The following USP30 variants were observed in gnomAD, a reference collection of about 807,000 sequenced individuals.
The protein encoded by USP30 is ubiquitin carboxyl-terminal hydrolase 30.
A neutral mutation model predicts 68.2 loss-of-function variants in USP30; 41 were observed. That is an observed-to-expected ratio of 0.60 (90% CI 0.47 to 0.78). The LOEUF (loss-of-function observed/expected upper bound fraction) is 0.78. Among genes scored for constraint, USP30 ranks in the 30% least tolerant of loss-of-function variants. The probability of loss-of-function intolerance (pLI) is 0.00; values close to 1 mark genes in which losing one functional copy is unlikely to be tolerated. For synonymous variants in USP30, 229 were observed against 253.7 expected, an observed-to-expected ratio of 0.90 and a Z score of 0.93; for missense variants, 522 against 649.4, an observed-to-expected ratio of 0.80 and a Z score of 2.13.
rs1308895049 is a variant in USP30, at chr12:109,086,555, T to C, written c.*624T>C. On this transcript the variant is annotated 3_prime_UTR_variant, in exon 13 of 13. Coordinates refer to ENST00000257548, the MANE Select transcript of USP30 (RefSeq NM_032663.5). The stretch of plus-strand genomic sequence containing the variant: ...ATGGAGTAAAGGCTCATCTGCCAAA[T>C]CTGCCCCCTGGGGAAACTCTTTCAC... 6.6e-6 allele frequency: 1 copy of C among 152,416 alleles called. No individual in the cohort carries two copies. The highest frequency in any genetic ancestry group is 1.5e-5 in the Non-Finnish European group (1 of 68,200). 9.4% of individuals were successfully genotyped at this position (152,416 alleles called of 1,614,324 possible).
chr12:109,025,435 C>A (rs528043437), intron 2 of USP30, among the ~76,000 whole-genome samples: 1 of 152,182 alleles, frequency 6.6e-6, no homozygotes, highest in African/African-American at 2.4e-5. Context: ...TTGCTCTCTT[C>A]ACCCCCCAGC....
At chr12:109,063,175 C>T (rs1046577629) in intron 3 of USP30, among the ~76,000 whole-genome samples, 6 of 152,116 alleles carry the variant, frequency 3.9e-5, no homozygotes, top group Admixed American at 3.3e-4. Context: ...TCTTAGCTCA[C>T]TGCCACTTCC....
intron 3 of USP30, among the ~76,000 whole-genome samples, chr12:109,063,185 C>T (rs999748133): frequency 1.4e-4 from 21 of 152,244 alleles, no homozygotes; most frequent in Middle Eastern, 3.4e-3. Context: ...CTGCCACTTC[C>T]GCCTTCCAGA....
chr12:109,070,150 G>T lies in USP30; in HGVS notation c.481-1462G>T, dbSNP rs1052010510. Among the ~76,000 whole-genome samples the T allele has an allele frequency of 6.6e-6, 1 of 152,132 alleles. No individual in the cohort carries two copies. Among genetic ancestry groups the T allele is most frequent in the Non-Finnish European group, 1.5e-5 (1 of 68,026 alleles). ...TTGTTAGAAAAGGAAGGCTGGAGGG[G>T]CAAGAATGCAAGCCGAGAGGAAAGG... On this transcript the variant is annotated intron_variant, in intron 4 of 12. Coordinates refer to ENST00000257548, the MANE Select transcript of USP30 (RefSeq NM_032663.5). The surrounding 1 kb of genome is among the most constrained non-coding windows in gnomAD (Gnocchi z 4.0).
chr12:109,085,019 T>C lies in USP30; in HGVS notation c.1235T>C (p.Leu412Ser). ...FMNGACSPSL[L>S]PTLSAPMPFP... ...AATGGCGCCTGCTCCCCATCTTTAT[T>C]GCCAACGCTGTCAGCGCCGATGCCC... Residue 412 changes from leucine to serine, a missense_variant, in exon 12 of 13, where the codon TTG (leucine) becomes TCG (serine). Transcript: ENST00000257548. 1.2e-6 allele frequency: 2 copies of C among 1,607,528 alleles called. No homozygotes were observed. The highest frequency in any genetic ancestry group is 8.5e-7 in the Non-Finnish European group (1 of 1,176,136).
Position 109,083,013 on chromosome 12 carries a change from C to T in USP30, c.1119C>T (p.Asn373=). The T allele has an allele frequency of 6.2e-7, 1 of 1,614,030 alleles. No homozygotes were observed. The highest frequency in any genetic ancestry group is 8.5e-7 in the Non-Finnish European group (1 of 1,179,926). The part of the protein sequence containing the change: ...PSQHNPKLNK[N]PGPTLELQDG... Reference sequence around the variant, plus strand: ...AACACAACCCTAAACTGAACAAGAACCCAGGGCCTACACTGGAGCTGCAGG... The same window carrying T: ...AACACAACCCTAAACTGAACAAGAATCCAGGGCCTACACTGGAGCTGCAGG... The change falls in exon 11 of 13, where the codon AAC becomes AAT. Residue 373 remains asparagine, a synonymous_variant. Coordinates refer to ENST00000257548, the MANE Select transcript of USP30 (RefSeq NM_032663.5).
At chr12:109,066,470 G>T (rs959715043) in intron 3 of USP30, among the ~76,000 whole-genome samples, 1 of 152,130 alleles carries the variant, frequency 6.6e-6, no homozygotes, top group African/African-American at 2.4e-5. Context: ...CGATCATGAG[G>T]TTAGGAGTTC....
intron 4 of USP30, 123 bp from the exon 5 acceptor site, chr12:109,071,489 C>A (rs2041440100): frequency 4.2e-6 from 3 of 716,740 alleles, no homozygotes; most frequent in Non-Finnish European, 7.2e-6. Flanking sequence ...ATGAGCTGGG[C>A]CTTGAGAAGG....
chr12:109,044,649 T>TA lies in USP30; in HGVS notation c.-135-2933dup, dbSNP rs904169116. On this transcript the variant is annotated intron_variant, in intron 3 of 15. Transcript: ENST00000392784. ...GAGACTCTTTCTCTAAAAATAAAAA[T>TA]AAAAAAAAGAATGATTAAGATGACA... 6.6e-5 allele frequency among the ~76,000 whole-genome samples: 10 copies of TA among 151,200 alleles called. 1 individual carries two copies. The East Asian group carries it at 9.7e-4, about 15-fold the overall frequency.
At chr12:109,041,747 A>C (rs2040566839) in intron 3 of USP30, among the ~76,000 whole-genome samples, 1 of 152,328 alleles carries the variant, frequency 6.6e-6, no homozygotes, top group African/African-American at 2.4e-5. Context: ...TAAAGAATTT[A>C]TCATGGCATT....
At chr12:109,029,312 G>A (rs1051782867) in intron 3 of USP30, among the ~76,000 whole-genome samples, 1 of 152,172 alleles carries the variant, frequency 6.6e-6, no homozygotes, top group Admixed American at 6.5e-5. Context: ...GCTTCTGGCC[G>A]AGTTAGGTCA....
intron 1 of USP30, among the ~76,000 whole-genome samples, chr12:109,055,084 A>G (rs1190009785): frequency 6.6e-6 from 1 of 152,056 alleles, no homozygotes; most frequent in Non-Finnish European, 1.5e-5. Context: ...TTACATAGCT[A>G]TATACACATA....
Position 109,024,343 on chromosome 12 carries a change from C to T in USP30, c.-497-460C>T, listed in dbSNP as rs1404254382. On this transcript the variant is annotated intron_variant, in intron 1 of 15. Coordinates refer to the USP30 transcript ENST00000392784. ...TGTGATCTCAGCTCATTGCCACCTCCACCTTTCAGGCTCAAGCCATCCTCC... is the reference window on the plus strand; with the variant it reads ...TGTGATCTCAGCTCATTGCCACCTCTACCTTTCAGGCTCAAGCCATCCTCC... Among the ~76,000 whole-genome samples the T allele has an allele frequency of 4.0e-5, 6 of 151,346 alleles. No homozygotes were observed. The East Asian group carries it at 1.2e-3, about 30-fold the overall frequency.
At chr12:109,065,243 G>A (rs187389064) in intron 3 of USP30, among the ~76,000 whole-genome samples, 38 of 152,286 alleles carry the variant, frequency 2.5e-4, no homozygotes, top group Middle Eastern at 6.8e-3. Flanking sequence ...TCACACTCTA[G>A]CAGTACTGGT....
intron 12 of USP30, 141 bp from the exon 13 acceptor site, chr12:109,085,526 A>G (rs2041921575): frequency 2.0e-6 from 2 of 1,005,898 alleles, no homozygotes; most frequent in African/African-American, 1.6e-5. Context: ...ACAGATCTGT[A>G]TTTTAATAGT....
chr12:109,029,482 A>G (rs1472473699), intron 3 of USP30, among the ~76,000 whole-genome samples: 1 of 152,150 alleles, frequency 6.6e-6, no homozygotes, highest in Non-Finnish European at 1.5e-5. Flanking sequence ...ATATCCCCTG[A>G]GTGTGCATTT....
intron 8 of USP30, chr12:109,081,641 ACAC>A: frequency 1.7e-6 from 1 of 591,460 alleles, no homozygotes; most frequent in Non-Finnish European, 3.0e-6. Flanking sequence ...ACACACACAC[ACAC>A]ACACACACAC....
At chr12:109,040,001 T>C (rs1446004509) in intron 3 of USP30, among the ~76,000 whole-genome samples, 1 of 152,248 alleles carries the variant, frequency 6.6e-6, no homozygotes, top group East Asian at 1.9e-4. Flanking sequence ...TGATATATGA[T>C]ATAAATATTT....
chr12:109,088,005 T>C lies in USP30; in HGVS notation c.*2074T>C. On this transcript the variant is annotated 3_prime_UTR_variant, in exon 13 of 13. Transcript: ENST00000257548. This position sits in a 1 kb window ranked among gnomAD's most constrained non-coding sequence, Gnocchi z 4.2. ...GCTGTGTATTATAGCAATAAAATAA[T>C]CATTTTGTTAGAAAAAAATCACCTG... The C allele has an allele frequency of 2.1e-6, 1 of 484,862 alleles. No homozygotes were observed. The highest frequency in any genetic ancestry group is 3.6e-6 in the Non-Finnish European group (1 of 276,794). The allele number at this position is 484,862 out of a possible 1,614,324, so 30.0% of individuals were successfully genotyped here.
Sources: allele counts gnomAD v4.1 joint callset (sites outside exome capture counted in the v4.1 genomes callset), GRCh38; gene constraint gnomAD v4.1.1; non-coding constraint Gnocchi (gnomAD v3.1); transcripts MANE v1.5; gene names NCBI Gene and HGNC (gene_info 2026-07-23, HGNC 2026-07-21).